The following KCND2 variants were observed in gnomAD, a reference collection of about 807,000 sequenced individuals.
KCND2 encodes potassium voltage-gated channel subfamily D member 2.
A neutral mutation model predicts 54.4 loss-of-function variants in KCND2; 16 were observed. That is an observed-to-expected ratio of 0.29 (90% confidence interval 0.20 to 0.45). The LOEUF is 0.45. Among genes scored for constraint, KCND2 ranks in the 20% least tolerant of loss-of-function variants. KCND2 has a pLI of 1.00. For synonymous variants in KCND2, 317 were observed against 310.7 expected (o/e 1.02, Z -0.21); for missense variants, 486 against 824.2 (o/e 0.59, Z 5.02).
chr7:120,603,934 G>T (rs1584850280), intron 1 of KCND2, among the ~76,000 whole-genome samples: 1 of 152,142 alleles, frequency 6.6e-6, no homozygotes, highest in South Asian at 2.1e-4. Flanking sequence ...TGATATATGG[G>T]TTTTGTCATT....
Position 120,551,328 on chromosome 7 carries a change from T to C in KCND2, c.1116-181575T>C, listed in dbSNP as rs958478092. Among the ~76,000 whole-genome samples the C allele has an allele frequency of 2.6e-5, 4 of 152,224 alleles. No homozygotes were observed. In the East Asian group the frequency reaches 7.7e-4, roughly 29 times the overall value. On this transcript the variant is annotated intron_variant, in intron 1 of 5. Coordinates refer to ENST00000331113, the MANE Select transcript of KCND2 (RefSeq NM_012281.3). ...CCCTCATAGTGAGCAGCTCAACATA[T>C]GGATATATAATTCACAAGTTTTCTT...
chr7:120,495,344 T>G (rs972615450), intron 1 of KCND2, among the ~76,000 whole-genome samples: 13 of 149,624 alleles, frequency 8.7e-5, no homozygotes, highest in Non-Finnish European at 1.6e-4. Flanking sequence ...AATGACAACT[T>G]TTTTTTTTTA....
chr7:120,733,141 T>A (rs897270948), intron 2 of KCND2, 76 bp downstream of exon 2: 4 of 1,454,634 alleles, frequency 2.7e-6, no homozygotes, highest in South Asian at 1.2e-5. Context: ...TTCTTAATGG[T>A]TATTCAGTGC....
intron 1 of KCND2, among the ~76,000 whole-genome samples, chr7:120,532,050 G>A (rs1791849230): frequency 6.6e-6 from 1 of 152,020 alleles, no homozygotes. Context: ...TCTGATGTAT[G>A]AGTTGAGGAG....
chr7:120,410,140 A>G (rs1292023931), intron 1 of KCND2, among the ~76,000 whole-genome samples: 1 of 151,936 alleles, frequency 6.6e-6, no homozygotes, highest in Non-Finnish European at 1.5e-5. Flanking sequence ...AGTTGTTGAA[A>G]AGATCATCTT....
chr7:120,462,354 A>G (rs1042110187), intron 1 of KCND2, among the ~76,000 whole-genome samples: 3 of 152,014 alleles, frequency 2.0e-5, no homozygotes, highest in African/African-American at 7.2e-5. Flanking sequence ...CTTTTTTAAA[A>G]GAAGCATGTT....
At chr7:120,667,031 C>CT (rs1308533052) in intron 1 of KCND2, among the ~76,000 whole-genome samples, 2 of 152,006 alleles carry the variant, frequency 1.3e-5, no homozygotes, top group East Asian at 3.9e-4. Flanking sequence ...AAAAGAGACT[C>CT]TAAGTCTTGC....
intron 1 of KCND2, among the ~76,000 whole-genome samples, chr7:120,308,821 C>A (rs915956654): frequency 7.2e-5 from 11 of 152,060 alleles, no homozygotes; most frequent in South Asian, 6.2e-4. Flanking sequence ...AGTTTCTTCA[C>A]CTGAATAAAG....
intron 1 of KCND2, among the ~76,000 whole-genome samples, chr7:120,681,022 C>T (rs1052057401): frequency 2.6e-5 from 4 of 152,002 alleles, no homozygotes; most frequent in African/African-American, 9.7e-5. Context: ...AAGGAGAATT[C>T]CTGTAATTCA....
intron 1 of KCND2, among the ~76,000 whole-genome samples, chr7:120,664,016 C>T (rs1300180485): frequency 1.3e-5 from 2 of 150,270 alleles, no homozygotes; most frequent in African/African-American, 4.8e-5. Flanking sequence ...AGAGTGGTGG[C>T]CTTCCTTTCA....
intron 1 of KCND2, among the ~76,000 whole-genome samples, chr7:120,365,707 A>G (rs1800666783): frequency 6.6e-6 from 1 of 152,108 alleles, no homozygotes; most frequent in Non-Finnish European, 1.5e-5. Flanking sequence ...GGTTAAGGTT[A>G]TAGGAAAGAA....
chr7:120,395,135 A>G (rs1360462982), intron 1 of KCND2, among the ~76,000 whole-genome samples: 1 of 152,060 alleles, frequency 6.6e-6, no homozygotes, highest in Non-Finnish European at 1.5e-5. Flanking sequence ...ATTGGAGGTA[A>G]CATTGTTTCT....
chr7:120,646,184 C>A (rs1288670587), intron 1 of KCND2, among the ~76,000 whole-genome samples: 1 of 152,212 alleles, frequency 6.6e-6, no homozygotes, highest in African/African-American at 2.4e-5. Flanking sequence ...CCATTTAACG[C>A]AGCCCAATAA....
At chr7:120,384,879 T>G (rs560381816) in intron 1 of KCND2, among the ~76,000 whole-genome samples, 1 of 152,120 alleles carries the variant, frequency 6.6e-6, no homozygotes, top group South Asian at 2.1e-4. Context: ...TCTGTTCTTA[T>G]GGAAAAAAGA....
chr7:120,492,468 T>A (rs1381937643), intron 1 of KCND2, among the ~76,000 whole-genome samples: 1 of 152,014 alleles, frequency 6.6e-6, no homozygotes, highest in Non-Finnish European at 1.5e-5. Flanking sequence ...TACCATAAGC[T>A]GGGCAGCTTA....
intron 1 of KCND2, among the ~76,000 whole-genome samples, chr7:120,438,934 T>C (rs1801909874): frequency 6.6e-6 from 1 of 152,138 alleles, no homozygotes; most frequent in South Asian, 2.1e-4. Context: ...CACAAATATT[T>C]ATTAACTTTC....
intron 1 of KCND2, among the ~76,000 whole-genome samples, chr7:120,514,597 G>A (rs558789792): frequency 2.0e-4 from 31 of 152,016 alleles, no homozygotes; most frequent in African/African-American, 7.0e-4. Flanking sequence ...TTTTTGGTTT[G>A]TTTGTTTTTT....
At chr7:120,589,071 T>C (rs1024107032) in intron 1 of KCND2, among the ~76,000 whole-genome samples, 1 of 152,202 alleles carries the variant, frequency 6.6e-6, no homozygotes, top group Non-Finnish European at 1.5e-5. Flanking sequence ...GGACAAATAT[T>C]ATGTAACCCT....
intron 1 of KCND2, among the ~76,000 whole-genome samples, chr7:120,725,973 C>A (rs557799214): frequency 6.6e-6 from 1 of 152,264 alleles, no homozygotes; most frequent in Non-Finnish European, 1.5e-5. Flanking sequence ...CTCTAGCTTC[C>A]GCTTTCATTT....
Sources: allele counts gnomAD v4.1 joint callset (sites outside exome capture counted in the v4.1 genomes callset), GRCh38; gene constraint gnomAD v4.1.1; transcripts MANE v1.5; gene names NCBI Gene and HGNC (gene_info 2026-07-23, HGNC 2026-07-21).